The following DMD variants were observed in gnomAD, a reference collection of about 807,000 sequenced individuals.
DMD encodes mutant dystrophin.
In DMD, 63 loss-of-function variants were observed where a neutral mutation model predicts 330.1. The ratio of observed to expected loss-of-function variants is 0.19; its 90% CI spans 0.16 to 0.24. The LOEUF (loss-of-function observed/expected upper bound fraction) is 0.24. DMD is among the 10% of genes least tolerant of loss of function. The pLI is 1.00. For missense variants in DMD, 3,344 were observed against 2,684.1 expected, an observed-to-expected ratio of 1.25 and a Z score of -5.43; for synonymous variants, 1,223 against 959.8, an observed-to-expected ratio of 1.27 and a Z score of -5.07.
chrX:33,126,048 A>AC, intron 1 of DMD, among the ~76,000 whole-genome samples: 1 of 110,307 alleles, frequency 9.1e-6, no homozygotes, highest in Non-Finnish European at 1.9e-5. Flanking sequence ...CAAGAAAAAA[A>AC]AAAAAAATTG....
At chrX:32,282,848 G>T (rs187023722) in intron 43 of DMD, among the ~76,000 whole-genome samples, 1 of 111,894 alleles carries the variant, frequency 8.9e-6, no homozygotes, top group African/African-American at 3.2e-5. Context: ...AACCACTAAG[G>T]CATTTTCTAG....
In DMD at chrX:33,141,713, T is replaced by C. The variant is rs73621876; in HGVS notation, c.31+69569A>G. Among the ~76,000 whole-genome samples, 630 of 111,509 alleles carry C rather than the reference T, an allele frequency of 5.6e-3. 1 individual carries two copies. Among genetic ancestry groups the C allele is most frequent in the African/African-American group, 0.02 (606 of 30,646 alleles). On this transcript the variant is annotated intron_variant, in intron 1 of 78. Transcript: ENST00000357033. ...TGCATGACACTACTTTCATTTTCTT[T>C]GCAGTCATCACACAAGTAAAATTTT... is the stretch of plus-strand genomic sequence containing the variant.
chrX:31,297,396 A>T (rs1223037440), intron 62 of DMD, among the ~76,000 whole-genome samples: 3 of 111,327 alleles, frequency 2.7e-5, no homozygotes, highest in Admixed American at 9.6e-5. Flanking sequence ...TGTCTGTCAT[A>T]TAAATCTTGA....
At chrX:31,825,006 A>C (rs1046977311) in intron 49 of DMD, among the ~76,000 whole-genome samples, 36 of 111,952 alleles carry the variant, frequency 3.2e-4, no homozygotes, top group Non-Finnish European at 6.4e-4. Context: ...CAAACAAAAA[A>C]TAATGCCTCT....
chrX:32,050,540 C>T (rs189753521), intron 44 of DMD, among the ~76,000 whole-genome samples: 120 of 111,679 alleles, frequency 1.1e-3, no homozygotes, highest in African/African-American at 3.7e-3. Flanking sequence ...TTAAAATGTA[C>T]AATTAAACCT....
At chrX:31,600,563 C>A (rs1397674290) in intron 55 of DMD, among the ~76,000 whole-genome samples, 4 of 57,288 alleles carry the variant, frequency 7.0e-5, no homozygotes, top group Non-Finnish European at 1.2e-4. Flanking sequence ...GATCCATTTT[C>A]CCTTCTTTTT....
intron 44 of DMD, among the ~76,000 whole-genome samples, chrX:32,198,225 G>C (rs1023180187): frequency 9.0e-6 from 1 of 111,692 alleles, no homozygotes. Flanking sequence ...AAGTGCCTAG[G>C]AGAAACATTT....
chrX:32,518,187 T>TA (rs2046052430), intron 17 of DMD, 56 bp from the exon 18 acceptor site: 63 of 1,105,605 alleles, frequency 5.7e-5, no homozygotes, highest in Non-Finnish European at 7.8e-5. Context: ...TCTTCTATAT[T>TA]AAAAAAAGCA....
intron 63 of DMD, among the ~76,000 whole-genome samples, chrX:31,239,283 A>T (rs912865534): frequency 7.1e-5 from 8 of 112,444 alleles, no homozygotes; most frequent in Admixed American, 6.6e-4. Flanking sequence ...CAGGAATTAA[A>T]TAATTTGGGA....
intron 1 of DMD, among the ~76,000 whole-genome samples, chrX:33,190,917 TATATATA>T (rs1569557994): frequency 0.026 from 27 of 1,026 alleles, no homozygotes; most frequent in African/African-American, 0.094. Context: ...TATAATATTA[TATATATA>T]ATATTATATA....
intron 60 of DMD, among the ~76,000 whole-genome samples, chrX:31,434,148 A>C (rs897163148): frequency 5.4e-5 from 6 of 111,310 alleles, no homozygotes; most frequent in African/African-American, 2.0e-4. Flanking sequence ...TGTGATAATG[A>C]TGGGAAATCT....
intron 7 of DMD, among the ~76,000 whole-genome samples, chrX:32,775,193 T>C (rs1327816447): frequency 8.9e-6 from 1 of 112,811 alleles, no homozygotes; most frequent in Non-Finnish European, 1.9e-5. Context: ...CCTGTGGCTC[T>C]GCAGAGCACA....
intron 44 of DMD, among the ~76,000 whole-genome samples, chrX:32,166,971 C>T (rs936810155): frequency 8.9e-6 from 1 of 111,816 alleles, no homozygotes; most frequent in East Asian, 2.8e-4. Flanking sequence ...AGTAACTTCC[C>T]TGGGAAGAAT....
intron 54 of DMD, among the ~76,000 whole-genome samples, chrX:31,656,563 C>T (rs1055415243): frequency 2.8e-4 from 31 of 111,967 alleles, no homozygotes; most frequent in African/African-American, 9.4e-4. Context: ...CCCCAAAAGA[C>T]TTCTCTTTGA....
chrX:33,012,284 A>C (rs2093716854), intron 2 of DMD, among the ~76,000 whole-genome samples: 1 of 111,702 alleles, frequency 9.0e-6, no homozygotes, highest in South Asian at 3.7e-4. Context: ...CTTGATTCCA[A>C]ACACAAACAC....
At chrX:32,054,135 G>A (rs5972481) in intron 44 of DMD, among the ~76,000 whole-genome samples, 4,055 of 96,050 alleles carry the variant, frequency 0.042, 81 homozygotes, top group Non-Finnish European at 0.051. Flanking sequence ...GAGAGAGAGA[G>A]AAGAGGACTG....
At chrX:32,506,420 T>TAAAAA (rs57359370) in intron 18 of DMD, among the ~76,000 whole-genome samples, 1 of 71,490 alleles carries the variant, frequency 1.4e-5, no homozygotes, top group African/African-American at 4.9e-5. Context: ...TACAAAATGC[T>TAAAAA]AAAAAAAAAA....
chrX:32,606,236 T>C (rs974816001), intron 12 of DMD, among the ~76,000 whole-genome samples: 3 of 110,531 alleles, frequency 2.7e-5, no homozygotes, highest in Non-Finnish European at 5.7e-5. Context: ...ATGACTTCAA[T>C]TGTTTTAATT....
intron 18 of DMD, among the ~76,000 whole-genome samples, chrX:32,515,247 A>C (rs2045743560): frequency 9.0e-6 from 1 of 111,689 alleles, no homozygotes; most frequent in Admixed American, 9.5e-5. Context: ...CAAGGAAAAG[A>C]AAGTGCAATA....
Sources: gnomAD v4.1 joint callset for allele counts (sites outside exome capture counted in the v4.1 genomes callset) on GRCh38, gnomAD v4.1.1 for gene constraint, MANE v1.5 for transcripts, NCBI Gene and HGNC (gene_info 2026-07-23, HGNC 2026-07-21) for gene names.